Variants in AOX1 observed in about 807,000 individuals in gnomAD.
AOX1 encodes the protein aldehyde oxidase 1.
AOX1 carries 153 observed loss-of-function variants against 169.5 expected under a neutral mutation model. The observed-to-expected ratio is 0.90, with a 90% CI of 0.79 to 1.03. The LOEUF is 1.03. Among genes scored for constraint, AOX1 ranks in the 50% least tolerant of loss-of-function variants. AOX1 has a pLI of 0.00. For synonymous variants in AOX1, 562 were observed against 581.9 expected (o/e 0.97, Z 0.49); for missense variants, 1,656 against 1,663.9 (o/e 1.00, Z 0.08).
chr2:200,659,283 T>G lies in AOX1; in HGVS notation c.3290T>G (p.Leu1097Trp). 6.2e-7 allele frequency: 1 copy of G among 1,613,484 alleles called. No homozygotes were observed. Among genetic ancestry groups the G allele is most frequent in the Non-Finnish European group, 8.5e-7 (1 of 1,179,650 alleles). Residue 1097 changes from leucine to tryptophan, a missense_variant, in exon 28 of 35, where the codon TTG becomes TGG. Leu to Trp is a moderately conservative substitution (Grantham distance 61). Transcript: ENST00000374700. ...GGSVVADLNGLAVKDACQTLL... is the reference protein window; with the variant it reads ...GGSVVADLNGWAVKDACQTLL... ...TCTGTGGTGGCAGATCTCAACGGTT[T>G]GGCAGTAAAGGTAACAGTCACTGCA...
At chr2:200,659,328 C>G in intron 28 of AOX1, 35 bp downstream of exon 28, 1 of 1,600,094 alleles carries the variant, frequency 6.2e-7, no homozygotes, top group South Asian at 1.1e-5. Flanking sequence ...AAATCATTAA[C>G]TCCCTCAGGG....
chr2:200,660,424 A>G, intron 29 of AOX1, among the ~76,000 whole-genome samples: 1 of 152,242 alleles, frequency 6.6e-6, no homozygotes, highest in Non-Finnish European at 1.5e-5. Context: ...TGTTCCTAAA[A>G]TAGAAAAACA....
At chr2:200,656,984 C>A in intron 27 of AOX1, 47 bp downstream of exon 27, 2 of 1,315,526 alleles carry the variant, frequency 1.5e-6, no homozygotes, top group Non-Finnish European at 1.0e-6. Context: ...GCTTATAGAT[C>A]TGTTCATGAG....
chr2:200,609,545 A>C, intron 12 of AOX1, 131 bp downstream of exon 12: 1 of 732,912 alleles, frequency 1.4e-6, no homozygotes, highest in Non-Finnish European at 2.3e-6. Context: ...GCTTTTCTGG[A>C]TACTGGAAAT....
Position 200,615,956 on chromosome 2 carries a change from G to C in AOX1, c.1612-15G>C. On this transcript the variant is annotated splice_polypyrimidine_tract_variant and intron_variant, in intron 15 of 34. Coordinates refer to ENST00000374700, the MANE Select transcript of AOX1 (RefSeq NM_001159.4). ...TCAAACTATTTAAAATATCTGCAAT[G>C]GTTCTACTTTTCAGGATCCAGTTCA... 6.3e-7 allele frequency: 1 copy of C among 1,591,166 alleles called. No homozygotes were observed.
At chr2:200,623,313 C>G (rs971445955) in intron 18 of AOX1, among the ~76,000 whole-genome samples, 2 of 152,340 alleles carry the variant, frequency 1.3e-5, no homozygotes, top group African/African-American at 4.8e-5. Flanking sequence ...GTCAACCCCC[C>G]CAGGAAGGGG....
intron 3 of AOX1, 104 bp downstream of exon 3, chr2:200,595,472 G>T: frequency 1.4e-6 from 1 of 719,314 alleles, no homozygotes; most frequent in Non-Finnish European, 2.2e-6. Flanking sequence ...CATGTGAAAA[G>T]AACTGGCCAC....
intron 4 of AOX1, among the ~76,000 whole-genome samples, chr2:200,597,984 A>C (rs1405985): frequency 6.6e-6 from 1 of 151,866 alleles, no homozygotes; most frequent in Non-Finnish European, 1.5e-5. Context: ...GTGAGCACCT[A>C]TAGTCCTGGC....
intron 21 of AOX1, 83 bp from the exon 22 acceptor site, chr2:200,636,828 A>C: frequency 6.7e-7 from 1 of 1,499,954 alleles, no homozygotes; most frequent in Non-Finnish European, 9.0e-7. Context: ...GTTGTTGTTA[A>C]AATCATAGAT....
At chr2:200,657,190 A>ATATATATATATATATATTTTT in intron 27 of AOX1, among the ~76,000 whole-genome samples, 6 of 62,868 alleles carry the variant, frequency 9.5e-5, no homozygotes, top group Admixed American at 2.4e-4. Flanking sequence ...ATATATATAT[A>ATATATATATATATATATTTTT]TTTTTTTTTT....
intron 31 of AOX1, among the ~76,000 whole-genome samples, chr2:200,663,572 A>T (rs76363612): frequency 0.2 from 21,376 of 104,508 alleles, 1,514 homozygotes; most frequent in Non-Finnish European, 0.22. Flanking sequence ...ACACACACAC[A>T]CTCTCTCTCT....
downstream of AOX1, among the ~76,000 whole-genome samples, chr2:200,672,004 A>T (rs1193745203): frequency 6.6e-6 from 1 of 152,224 alleles, no homozygotes; most frequent in Non-Finnish European, 1.5e-5. Flanking sequence ...GACAACATGG[A>T]TGAACCTTGA....
At chr2:200,669,475 A>G in intron 33 of AOX1, 100 bp from the exon 34 acceptor site, 1 of 1,191,108 alleles carries the variant, frequency 8.4e-7, no homozygotes, top group Non-Finnish European at 1.2e-6. Context: ...GTACATATGT[A>G]GTACGTAATA....
rs1307515173 is a variant in AOX1, at chr2:200,620,814, G to A, written c.1869G>A (p.Lys623=). The change falls in exon 17 of 35, where the codon AAG becomes AAA. Residue 623 remains lysine, a synonymous_variant. Transcript: ENST00000374700. ...TFVTSSRAHA[K]IVSIDLSEAL... Reference sequence around the variant, plus strand: ...TGACTAGTTCAAGAGCTCATGCTAAGATTGTGTAAGTGGTAAAATTCTTAC... The same window carrying A: ...TGACTAGTTCAAGAGCTCATGCTAAAATTGTGTAAGTGGTAAAATTCTTAC... The A allele has an allele frequency of 1.9e-6, 3 of 1,594,152 alleles. No individual in the cohort carries two copies. The highest frequency in any genetic ancestry group is 1.2e-5 in the South Asian group (1 of 85,906).
At chr2:200,608,822 C>T (rs2034569347) in intron 10 of AOX1, among the ~76,000 whole-genome samples, 162 bp from the exon 11 acceptor site, 1 of 152,262 alleles carries the variant, frequency 6.6e-6, no homozygotes, top group Non-Finnish European at 1.5e-5. Flanking sequence ...ACTACCATTA[C>T]CTTCATCACC....
intron 20 of AOX1, among the ~76,000 whole-genome samples, chr2:200,628,721 G>T (rs557105843): frequency 6.6e-6 from 1 of 152,114 alleles, no homozygotes; most frequent in Non-Finnish European, 1.5e-5. Flanking sequence ...TTGAGGCCAG[G>T]AATTCAAGAC....
intron 31 of AOX1, among the ~76,000 whole-genome samples, chr2:200,666,116 G>A (rs972973542): frequency 6.6e-5 from 10 of 152,220 alleles, no homozygotes; most frequent in African/African-American, 2.2e-4. Flanking sequence ...GGCTGGGCCT[G>A]CTGTACTTCT....
chr2:200,637,360 T>G (rs1559249148), intron 22 of AOX1, among the ~76,000 whole-genome samples: 1 of 152,210 alleles, frequency 6.6e-6, no homozygotes, highest in African/African-American at 2.4e-5. Context: ...GTAGAGGTCA[T>G]ATATATGGCT....
At chr2:200,602,619 C>T (rs2105696967) in intron 6 of AOX1, among the ~76,000 whole-genome samples, 1 of 152,226 alleles carries the variant, frequency 6.6e-6, no homozygotes, top group African/African-American at 2.4e-5. Context: ...TTGCCTGGGT[C>T]AGGTACCCTG....
Sources: allele counts gnomAD v4.1 joint callset (sites outside exome capture counted in the v4.1 genomes callset), GRCh38; gene constraint gnomAD v4.1.1; transcripts MANE v1.5; gene names NCBI Gene and HGNC (gene_info 2026-07-23, HGNC 2026-07-21).